Variants in PLEKHA7 observed in about 807,000 individuals in gnomAD.
PLEKHA7 encodes the protein pleckstrin homology domain-containing family A member 7.
PLEKHA7 carries 104 observed loss-of-function variants against 170.0 expected under a neutral mutation model. The observed-to-expected ratio is 0.61, with a 90% CI of 0.52 to 0.72. The LOEUF is 0.72. PLEKHA7 is among the 30% of genes least tolerant of loss of function. The pLI, the probability that PLEKHA7 is intolerant of heterozygous loss-of-function variation, is 0.00. For synonymous variants in PLEKHA7, 648 were observed against 660.8 expected (o/e 0.98, Z 0.30); for missense variants, 1,615 against 1,671.7 (o/e 0.97, Z 0.59).
At chr11:16,834,000 TTTTG>T (rs949089392) in intron 9 of PLEKHA7, among the ~76,000 whole-genome samples, 10 of 151,952 alleles carry the variant, frequency 6.6e-5, no homozygotes, top group East Asian at 1.9e-4. Flanking sequence ...GATATATGTT[TTTTG>T]TTTGTTTGTT....
chr11:16,966,777 T>C (rs1862400798), intron 3 of PLEKHA7, among the ~76,000 whole-genome samples: 2 of 152,110 alleles, frequency 1.3e-5, no homozygotes, highest in South Asian at 2.1e-4. Flanking sequence ...CTCCACTCCC[T>C]GCTTTATTCC....
intron 19 of PLEKHA7, among the ~76,000 whole-genome samples, chr11:16,792,180 T>C (rs533475861): frequency 2.0e-5 from 3 of 152,238 alleles, no homozygotes; most frequent in African/African-American, 7.2e-5. Flanking sequence ...TGACAAGATA[T>C]CCGAATCACC....
chr11:16,902,907 CT>C (rs1207132294), intron 3 of PLEKHA7, among the ~76,000 whole-genome samples: 1 of 152,228 alleles, frequency 6.6e-6, no homozygotes, highest in Non-Finnish European at 1.5e-5. Context: ...CTTATTCACA[CT>C]TTACAATCCA....
At chr11:16,857,391 C>A (rs1327152347) in intron 4 of PLEKHA7, among the ~76,000 whole-genome samples, 1 of 152,234 alleles carries the variant, frequency 6.6e-6, no homozygotes, top group Non-Finnish European at 1.5e-5. Context: ...CCCCCAGCCT[C>A]CAACCCAGCC....
intron 3 of PLEKHA7, among the ~76,000 whole-genome samples, chr11:16,913,081 C>T (rs544850787): frequency 2.3e-4 from 35 of 152,258 alleles, no homozygotes; most frequent in Middle Eastern, 6.8e-3. Flanking sequence ...GGGTGGGAGG[C>T]CCAGGGTGGG....
chr11:16,800,934 AAAACAAG>A, intron 17 of PLEKHA7, 33 bp downstream of exon 17: 1 of 1,564,172 alleles, frequency 6.4e-7, no homozygotes, highest in African/African-American at 1.4e-5. Flanking sequence ...CAAAAAACAA[AAAACAAG>A]AGCTCAGAAG....
intron 3 of PLEKHA7, among the ~76,000 whole-genome samples, chr11:16,942,560 C>A (rs570520232): frequency 1.3e-5 from 2 of 152,306 alleles, no homozygotes; most frequent in South Asian, 4.1e-4. Flanking sequence ...TGTGTGAGTT[C>A]CCAGCTGTGT....
chr11:16,790,824 C>T lies in PLEKHA7; in HGVS notation c.3026G>A (p.Ser1009Asn), dbSNP rs1847790832. 2.5e-6 allele frequency: 4 copies of T among 1,608,896 alleles called. No individual in the cohort carries two copies. In the South Asian group the frequency reaches 4.4e-5, roughly 18 times the overall value. Residue 1009 changes from serine to asparagine, a missense_variant, in exon 21 of 27, where the codon AGC becomes AAC. Physicochemically the swap from Ser to Asn is conservative, Grantham distance 46 (BLOSUM62 1). Coordinates refer to ENST00000531066, the MANE Select transcript of PLEKHA7 (RefSeq NM_001329630.2). ...TCTGCCTGGCAGCGTCTGGTACCTG[C>T]TCTCAGGGCCCACAAGTCCTAGGGA... ...QPSLGLVGPE[S>N]RYQTLPGRGL...
chr11:16,982,780 T>TACACCC (rs71455901), intron 3 of PLEKHA7, among the ~76,000 whole-genome samples: 1 of 144,026 alleles, frequency 6.9e-6, no homozygotes, highest in Non-Finnish European at 1.5e-5. Context: ...CACTATCCCC[T>TACACCC]ACACACACAC....
At chr11:16,923,934 G>A (rs1859290796) in intron 3 of PLEKHA7, among the ~76,000 whole-genome samples, 1 of 152,060 alleles carries the variant, frequency 6.6e-6, no homozygotes, top group South Asian at 2.1e-4. Context: ...GGTCTCTAAG[G>A]CACAATGCTA....
At chr11:16,989,208 G>C (rs1863899567) in intron 3 of PLEKHA7, among the ~76,000 whole-genome samples, 1 of 152,322 alleles carries the variant, frequency 6.6e-6, no homozygotes, top group Admixed American at 6.5e-5. Context: ...CCCTGGCCAT[G>C]TGGGAGCAAG....
intron 3 of PLEKHA7, among the ~76,000 whole-genome samples, chr11:16,882,049 A>C (rs1012941660): frequency 6.6e-6 from 1 of 152,326 alleles, no homozygotes; most frequent in East Asian, 1.9e-4. Flanking sequence ...GTAGTTCTAC[A>C]AGTCACAGTG....
intron 3 of PLEKHA7, among the ~76,000 whole-genome samples, chr11:16,878,552 C>T (rs1855479367): frequency 6.6e-6 from 1 of 152,188 alleles, no homozygotes; most frequent in Non-Finnish European, 1.5e-5. Flanking sequence ...AAGCTCTTTC[C>T]TACTTAACAG....
At chr11:16,863,289 G>A (rs566992375) in intron 4 of PLEKHA7, among the ~76,000 whole-genome samples, 6 of 152,198 alleles carry the variant, frequency 3.9e-5, no homozygotes, top group Admixed American at 2.0e-4. Flanking sequence ...TCCAAACACC[G>A]CTCACAACAT....
intron 3 of PLEKHA7, among the ~76,000 whole-genome samples, chr11:16,915,341 G>T (rs2136192536): frequency 6.6e-6 from 1 of 152,218 alleles, no homozygotes; most frequent in East Asian, 1.9e-4. Context: ...CTCATATCTG[G>T]CCAAGTGGAC....
At chr11:17,005,315 T>C (rs1864919862) in intron 3 of PLEKHA7, among the ~76,000 whole-genome samples, 1 of 97,324 alleles carries the variant, frequency 1.0e-5, no homozygotes, top group African/African-American at 3.3e-5. Context: ...GCAGATTACT[T>C]GAGGTCAGGA....
At chr11:16,943,978 CT>C (rs1304203806) in intron 3 of PLEKHA7, among the ~76,000 whole-genome samples, 2 of 152,188 alleles carry the variant, frequency 1.3e-5, no homozygotes, top group Non-Finnish European at 2.9e-5. Flanking sequence ...AAGGTAGAAC[CT>C]CAGGGTCTGC....
Position 16,889,400 on chromosome 11 carries a change from CAA to C in PLEKHA7, c.222-18220_222-18219del, listed in dbSNP as rs869268116. 9.4e-3 allele frequency among the ~76,000 whole-genome samples: 493 copies of C among 52,706 alleles called. 1 individual carries two copies. The highest frequency in any genetic ancestry group is 0.021 in the South Asian group (34 of 1,654). 34.6% of individuals were successfully genotyped at this position (52,706 alleles called of 152,430 possible). On this transcript the variant is annotated intron_variant, in intron 3 of 26. Transcript: ENST00000531066. ...CAGGTGAATTAAAAGCTTTATTGCT[CAA>C]AAAAAAAAAAAAAAAAAAATATATA...
intron 3 of PLEKHA7, among the ~76,000 whole-genome samples, chr11:16,970,599 C>G (rs1044793591): frequency 2.0e-5 from 3 of 151,810 alleles, no homozygotes; most frequent in African/African-American, 7.3e-5. Context: ...CCCAGGAGGT[C>G]GAGGCTGCAG....
Sources: gnomAD v4.1 joint callset for allele counts (sites outside exome capture counted in the v4.1 genomes callset) on GRCh38, gnomAD v4.1.1 for gene constraint, MANE v1.5 for transcripts, NCBI Gene and HGNC (gene_info 2026-07-23, HGNC 2026-07-21) for gene names.